ZNF138: variants seen among roughly 807,000 people sequenced by gnomAD.
ZNF138 encodes zinc finger protein 138.
Under a neutral mutation model 33.0 loss-of-function variants are expected in ZNF138, and 33 were observed. The ratio of observed to expected loss-of-function variants is 1.00; its 90% CI spans 0.76 to 1.34. The LOEUF is 1.34. ZNF138 is among the 40% of genes most tolerant of loss of function. ZNF138 has a pLI of 0.00. For missense variants in ZNF138, 360 were observed against 370.8 expected (o/e 0.97, Z 0.24); for synonymous variants, 139 against 120.4 (o/e 1.15, Z -1.01).
At chr7:64,816,702 T>G (rs1413458856) in intron 3 of ZNF138, among the ~76,000 whole-genome samples, 2 of 152,244 alleles carry the variant, frequency 1.3e-5, no homozygotes, top group African/African-American at 4.8e-5. Context: ...CCACATACTT[T>G]CAATGCTATG....
intron 3 of ZNF138, among the ~76,000 whole-genome samples, chr7:64,826,252 T>A (rs1368795748): frequency 6.6e-6 from 1 of 152,188 alleles, no homozygotes; most frequent in African/African-American, 2.4e-5. Flanking sequence ...TTATTTTAAT[T>A]GTGTAGTGAC....
At chr7:64,841,206 T>C in the ZNF138 span, among the ~76,000 whole-genome samples, 1 of 152,206 alleles carries the variant, frequency 6.6e-6, no homozygotes, top group African/African-American at 2.4e-5. Context: ...TAATGCACAC[T>C]GAACAATTTT....
At chr7:64,841,504 C>T in the ZNF138 span, among the ~76,000 whole-genome samples, 12 of 152,170 alleles carry the variant, frequency 7.9e-5, no homozygotes, top group South Asian at 2.5e-3. Context: ...AAGTTCAAGT[C>T]GGAGAGGGAA....
At chr7:64,809,470 G>A (rs188270181) in intron 1 of ZNF138, among the ~76,000 whole-genome samples, 6 of 522 alleles carry the variant, frequency 0.011, no homozygotes, top group South Asian at 0.1. Flanking sequence ...CTCCCGGATG[G>A]GGCGGCTGGC....
chr7:64,818,083 C>G (rs1272205412), intron 3 of ZNF138, among the ~76,000 whole-genome samples: 2 of 3,598 alleles, frequency 5.6e-4, no homozygotes, highest in Non-Finnish European at 6.9e-3. Context: ...ACCTCTGTCT[C>G]CCAGGTTCTC....
intron 3 of ZNF138, among the ~76,000 whole-genome samples, chr7:64,828,144 T>C (rs1182998657): frequency 2.6e-5 from 4 of 151,548 alleles, no homozygotes; most frequent in South Asian, 2.1e-4. Flanking sequence ...GAAAAAACTT[T>C]TGGATTTGAA....
chr7:64,824,106 C>T (rs759456716), intron 3 of ZNF138, among the ~76,000 whole-genome samples: 1 of 152,266 alleles, frequency 6.6e-6, no homozygotes, highest in South Asian at 2.1e-4. Context: ...TTCTCCAAAC[C>T]TCATGCTGCA....
At chr7:64,852,384 T>G in the ZNF138 span, 8 of 1,477,114 alleles carry the variant, frequency 5.4e-6, no homozygotes, top group Non-Finnish European at 6.5e-6. Flanking sequence ...AACAGCTATT[T>G]CTGCTTAGAT....
intron 1 of ZNF138, among the ~76,000 whole-genome samples, chr7:64,803,258 G>GTTTTTTTT (rs60101981): frequency 2.7e-5 from 3 of 113,060 alleles, no homozygotes; most frequent in African/African-American, 6.6e-5. Flanking sequence ...TTTGGCAAAG[G>GTTTTTTTT]TTTTTTTTTT....
At chr7:64,795,910 G>T (rs549951371) in intron 1 of ZNF138, among the ~76,000 whole-genome samples, 11 of 152,168 alleles carry the variant, frequency 7.2e-5, no homozygotes, top group Non-Finnish European at 1.3e-4. Flanking sequence ...ATGAACTCTG[G>T]TTATCTGGGA....
chr7:64,858,638 A>T, the ZNF138 span, among the ~76,000 whole-genome samples: 1 of 152,142 alleles, frequency 6.6e-6, no homozygotes, highest in Admixed American at 6.5e-5. Flanking sequence ...ATGTTTGGCC[A>T]AAATCTTTTT....
chr7:64,819,608 A>G (rs974868767), intron 3 of ZNF138, among the ~76,000 whole-genome samples: 7 of 152,084 alleles, frequency 4.6e-5, no homozygotes, highest in East Asian at 1.9e-4. Context: ...AGCTCAGGCA[A>G]TCTGCCCGCC....
chr7:64,794,584 G>T lies in ZNF138; in HGVS notation c.3+13G>T. 1.2e-6 allele frequency: 2 copies of T among 1,613,580 alleles called. No individual in the cohort carries two copies. Among genetic ancestry groups the T allele is most frequent in the Non-Finnish European group, 1.7e-6 (2 of 1,179,686 alleles). On this transcript the variant is annotated intron_variant, in intron 1 of 3. Coordinates refer to ENST00000307355, the MANE Select transcript of ZNF138 (RefSeq NM_001271639.2). ...AAGCCTAGAAATGGTGAGAGTGCTG[G>T]GTCCGACATCCCGAGAGAGGGGGAG... is the stretch of plus-strand genomic sequence containing the variant.
At chr7:64,826,432 A>AC (rs1231718983) in intron 3 of ZNF138, among the ~76,000 whole-genome samples, 1 of 152,050 alleles carries the variant, frequency 6.6e-6, no homozygotes, top group African/African-American at 2.4e-5. Flanking sequence ...GGCATGCACC[A>AC]CCATGCCCGG....
At chr7:64,815,138 T>A in intron 2 of ZNF138, 94 bp downstream of exon 2, 2 of 1,249,188 alleles carry the variant, frequency 1.6e-6, no homozygotes, top group Non-Finnish European at 2.1e-6. Context: ...ATTTATGCTT[T>A]GCATAAATGA....
intron 1 of ZNF138, among the ~76,000 whole-genome samples, chr7:64,805,419 A>ACAAAAC (rs1787510031): frequency 6.7e-6 from 1 of 148,740 alleles, no homozygotes. Context: ...AACAAAAAAA[A>ACAAAAC]AAACTGAGGC....
the ZNF138 span, among the ~76,000 whole-genome samples, chr7:64,839,293 G>T: frequency 1.3e-5 from 2 of 152,168 alleles, no homozygotes; most frequent in South Asian, 2.1e-4. Flanking sequence ...GGGAGGTTGC[G>T]CAGGAGGCAC....
At chr7:64,794,623 A>C in intron 1 of ZNF138, 52 bp downstream of exon 1, 1 of 1,612,070 alleles carries the variant, frequency 6.2e-7, no homozygotes, top group Non-Finnish European at 8.5e-7. Flanking sequence ...GCTGGTTGGA[A>C]CCGGTCGGAA....
chr7:64,823,665 C>T (rs990879895), intron 3 of ZNF138, among the ~76,000 whole-genome samples: 4 of 152,128 alleles, frequency 2.6e-5, no homozygotes, highest in African/African-American at 4.8e-5. Flanking sequence ...GGCAGCTGGG[C>T]GCAGCAGTTC....
Sources: gnomAD v4.1 joint callset for allele counts (sites outside exome capture counted in the v4.1 genomes callset) on GRCh38, gnomAD v4.1.1 for gene constraint, MANE v1.5 for transcripts, NCBI Gene and HGNC (gene_info 2026-07-23, HGNC 2026-07-21) for gene names.